OR4K17: variants seen among roughly 807,000 people sequenced by gnomAD.
OR4K17 encodes olfactory receptor 4K17.
For synonymous variants in OR4K17, 157 were observed against 132.8 expected (o/e 1.18, Z -1.25); for missense variants, 480 against 366.3 (o/e 1.31, Z -2.53).
chr14:20,117,789 G>A lies in OR4K17; in HGVS notation c.290G>A (p.Cys97Tyr), dbSNP rs1156458445. The A allele has an allele frequency of 1.2e-6, 2 of 1,613,966 alleles. No individual in the cohort carries two copies. Among genetic ancestry groups the A allele is most frequent in the Non-Finnish European group, 8.5e-7 (1 of 1,180,012 alleles). Residue 97 changes from cysteine (C) to tyrosine (Y), a missense_variant, in exon 2 of 2, where the codon TGC becomes TAC. Cys to Tyr is a radical substitution (Grantham distance 194). Transcript: ENST00000641386. Reference protein sequence around the residue: ...KKQKVISFAGCFTQIFLLHLL... With the variant: ...KKQKVISFAGYFTQIFLLHLL... ...CAGAAGGTAATTTCTTTTGCTGGGTGCTTCACTCAGATATTTCTCCTTCAC... is the reference window on the plus strand; with the variant it reads ...CAGAAGGTAATTTCTTTTGCTGGGTACTTCACTCAGATATTTCTCCTTCAC...
chr14:20,118,122 T>A lies in OR4K17; in HGVS notation c.623T>A (p.Leu208Gln), dbSNP rs1878058061. The A allele has an allele frequency of 6.2e-7, 1 of 1,614,102 alleles. No homozygotes were observed. Among genetic ancestry groups the A allele is most frequent in the Non-Finnish European group, 8.5e-7 (1 of 1,179,944 alleles). ...GTTGCCAACAGTGGCATAATCTCCCTGAGCTGTTTCATTATTTTGCTTATC... is the reference window on the plus strand; with the variant it reads ...GTTGCCAACAGTGGCATAATCTCCCAGAGCTGTTTCATTATTTTGCTTATC... ...VIVANSGIIS[L>Q]SCFIILLISY... The change falls in exon 2 of 2, where the codon CTG (leucine) becomes CAG (glutamine). Residue 208 changes from leucine (L) to glutamine (Q), a missense_variant. Leu to Gln is a moderately radical substitution (Grantham distance 113). Coordinates refer to ENST00000641386, the MANE Select transcript of OR4K17 (RefSeq NM_001004715.5).
In OR4K17 at chr14:20,118,711, G is replaced by T; in HGVS notation, c.*273G>T. ...AAGTTTTTATTATGGATTTCAAAAGGGAGGCAGTGTACGAATAGGGTGTGG... is the reference window on the plus strand; with the variant it reads ...AAGTTTTTATTATGGATTTCAAAAGTGAGGCAGTGTACGAATAGGGTGTGG... On this transcript the variant is annotated 3_prime_UTR_variant, in exon 2 of 2. Transcript: ENST00000641386. The T allele has an allele frequency of 3.6e-6, 1 of 278,408 alleles. No individual in the cohort carries two copies. The allele number at this position is 278,408 out of a possible 1,614,324, so 17.2% of individuals were successfully genotyped here. A position where few individuals can be genotyped will look rare whatever the true frequency, so the allele number is the denominator to read the frequency against.
chr14:20,115,554 G>T (rs1877971016), intron 1 of OR4K17, among the ~76,000 whole-genome samples: 1 of 151,860 alleles, frequency 6.6e-6, no homozygotes, highest in Admixed American at 6.6e-5. Context: ...AGAACATTTG[G>T]AATGTTTCAA....
At chr14:20,114,402 T>C (rs1039760334) in intron 1 of OR4K17, among the ~76,000 whole-genome samples, 2 of 152,080 alleles carry the variant, frequency 1.3e-5, no homozygotes, top group African/African-American at 4.8e-5. Flanking sequence ...TTAATTTTTG[T>C]AGAGGTTGTG....
rs762150658 is a variant in OR4K17, at chr14:20,117,414, T to A, written c.-32-54T>A. ...ATAAGTTTGGTTTTTCATATGGCTC[T>A]TTATTTTTCACTCATACTCCATGGT... On this transcript the variant is annotated intron_variant, in intron 1 of 1. Coordinates refer to ENST00000641386, the MANE Select transcript of OR4K17 (RefSeq NM_001004715.5). 7 of 1,580,674 alleles carry A rather than the reference T, an allele frequency of 4.4e-6. No individual in the cohort carries two copies. In the Admixed American group the frequency reaches 1.2e-4, roughly 27 times the overall value.
chr14:20,112,685 T>A (rs538601475), intron 1 of OR4K17, among the ~76,000 whole-genome samples: 1 of 152,036 alleles, frequency 6.6e-6, no homozygotes, highest in Non-Finnish European at 1.5e-5. Context: ...CTGATATACA[T>A]GTTTTCCTCA....
chr14:20,117,285 T>C, intron 1 of OR4K17, 183 bp from the exon 2 acceptor site: 1 of 672,714 alleles, frequency 1.5e-6, no homozygotes. Flanking sequence ...GTCATTGCTC[T>C]TTTATGGAAG....
chr14:20,116,623 A>C (rs78298135), intron 1 of OR4K17, among the ~76,000 whole-genome samples: 1,731 of 152,286 alleles, frequency 0.011, 40 homozygotes, highest in African/African-American at 0.039. Context: ...AGCAAGAATC[A>C]AGACATTAGA....
chr14:20,117,639 T>A lies in OR4K17; in HGVS notation c.140T>A (p.Val47Asp). 6.2e-7 allele frequency: 1 copy of A among 1,613,978 alleles called. No homozygotes were observed. The highest frequency in any genetic ancestry group is 8.5e-7 in the Non-Finnish European group (1 of 1,179,896). The change falls in exon 2 of 2, where the codon GTC (valine) becomes GAC (aspartate). Residue 47 changes from valine (V) to aspartate (D), a missense_variant. Val to Asp is a radical substitution (Grantham distance 152). Transcript: ENST00000641386. ...GTTTTGGGTAACCTTCTTATTATAG[T>A]CACAGTGTTTAACACCCCTAACCTG... ...VTVLGNLLIIVTVFNTPNLNT... is the reference protein window; with the variant it reads ...VTVLGNLLIIDTVFNTPNLNT...
chr14:20,117,841 G>C lies in OR4K17; in HGVS notation c.342G>C (p.Leu114=), dbSNP rs998803017. The C allele has an allele frequency of 1.2e-6, 2 of 1,614,050 alleles. No individual in the cohort carries two copies. Among genetic ancestry groups the C allele is most frequent in the Non-Finnish European group, 1.7e-6 (2 of 1,180,004 alleles). The change falls in exon 2 of 2, where the codon CTG becomes CTC. Residue 114 remains leucine (L), a synonymous_variant. Transcript: ENST00000641386. Reference sequence around the variant, plus strand: ...TACTGGGTGGGGTTGAAATGGTACTGTTGGTCTCCATGGCTTTTGACAGAT... The same window carrying C: ...TACTGGGTGGGGTTGAAATGGTACTCTTGGTCTCCATGGCTTTTGACAGAT... ...LHLLGGVEMV[L]LVSMAFDRYV... is the part of the protein sequence containing the mutation.
Position 20,122,066 on chromosome 14 carries a change from G to T in OR4K17, c.*3628G>T, listed in dbSNP as rs1319369584. ...ATTTTGATAATCACAGGGAGGTCTTGGAGTCTGTTGCCTAAAGTCACTGAG... is the reference window on the plus strand; with the variant it reads ...ATTTTGATAATCACAGGGAGGTCTTTGAGTCTGTTGCCTAAAGTCACTGAG... On this transcript the variant is annotated 3_prime_UTR_variant, in exon 2 of 2. Coordinates refer to ENST00000641386, the MANE Select transcript of OR4K17 (RefSeq NM_001004715.5). 6.6e-6 allele frequency: 1 copy of T among 151,998 alleles called. No homozygotes were observed. Among genetic ancestry groups the T allele is most frequent in the Admixed American group, 6.6e-5 (1 of 15,236 alleles). 9.4% of individuals were successfully genotyped at this position (151,998 alleles called of 1,614,324 possible).
chr14:20,115,843 A>T (rs895884802), intron 1 of OR4K17, among the ~76,000 whole-genome samples: 8 of 152,212 alleles, frequency 5.3e-5, no homozygotes, highest in African/African-American at 1.9e-4. Context: ...CACAATTTTT[A>T]AAAACTTACT....
At chr14:20,112,531 T>G (rs1176124911) in intron 1 of OR4K17, among the ~76,000 whole-genome samples, 1 of 152,076 alleles carries the variant, frequency 6.6e-6, no homozygotes, top group East Asian at 1.9e-4. Flanking sequence ...ATGATAGGTT[T>G]GGAAACCAGG....
In OR4K17 at chr14:20,117,654, C is replaced by G; in HGVS notation, c.155C>G (p.Thr52Ser). The change falls in exon 2 of 2, where the codon ACC becomes AGC. Residue 52 changes from threonine to serine, a missense_variant. Physicochemically the swap from Thr to Ser is moderately conservative, Grantham distance 58 (BLOSUM62 1). Coordinates refer to ENST00000641386, the MANE Select transcript of OR4K17 (RefSeq NM_001004715.5). ...CTTATTATAGTCACAGTGTTTAACA[C>G]CCCTAACCTGAATACTCCCATGTAT... is the stretch of plus-strand genomic sequence containing the variant. ...NLLIIVTVFN[T>S]PNLNTPMYFL... The G allele has an allele frequency of 1.2e-6, 2 of 1,613,894 alleles. No individual in the cohort carries two copies. The highest frequency in any genetic ancestry group is 1.7e-6 in the Non-Finnish European group (2 of 1,179,886).
chr14:20,114,675 C>T (rs1018259452), intron 1 of OR4K17, among the ~76,000 whole-genome samples: 1 of 151,916 alleles, frequency 6.6e-6, no homozygotes, highest in Non-Finnish European at 1.5e-5. Context: ...CTTGATTTCA[C>T]ACTGATTTGG....
At chr14:20,113,532 T>C (rs1342989458) in intron 1 of OR4K17, among the ~76,000 whole-genome samples, 1 of 152,062 alleles carries the variant, frequency 6.6e-6, no homozygotes, top group Non-Finnish European at 1.5e-5. Context: ...CTATGTGCTT[T>C]TTACACACTA....
In OR4K17 at chr14:20,121,657, A is replaced by G. The variant is rs191011770; in HGVS notation, c.*3219A>G. ...AACAAAAAAAATAAAAAATCAAAGC[A>G]TATGCTGGAGAAAATAAACTATGAA... On this transcript the variant is annotated 3_prime_UTR_variant, in exon 2 of 2. Transcript: ENST00000641386. The G allele has an allele frequency of 1.3e-5, 2 of 152,190 alleles. No individual in the cohort carries two copies. Among genetic ancestry groups the G allele is most frequent in the Admixed American group, 6.5e-5 (1 of 15,274 alleles). The allele number at this position is 152,190 out of a possible 1,614,324, so 9.4% of individuals were successfully genotyped here. A position where few individuals can be genotyped will look rare whatever the true frequency, so the allele number is the denominator to read the frequency against.
rs1324861423 is a variant in OR4K17, at chr14:20,120,684, T to G, written c.*2246T>G. The G allele has an allele frequency of 1.3e-5, 2 of 152,330 alleles. No individual in the cohort carries two copies. Among genetic ancestry groups the G allele is most frequent in the African/African-American group, 4.8e-5 (2 of 41,452 alleles). 9.4% of individuals were successfully genotyped at this position (152,330 alleles called of 1,614,324 possible). On this transcript the variant is annotated 3_prime_UTR_variant, in exon 2 of 2. Transcript: ENST00000641386. The stretch of plus-strand genomic sequence containing the variant: ...TGGAATTCCTGGGCCCAGATACTGC[T>G]GCCATTACTATCCCAAACCACAGAT...
Position 20,120,734 on chromosome 14 carries a change from C to T in OR4K17, c.*2296C>T, listed in dbSNP as rs1888370. ...TCTATAGTACCTCCATTCATACCTG[C>T]GCTTATGGCTCCAGATCCATGGCTT... On this transcript the variant is annotated 3_prime_UTR_variant, in exon 2 of 2. Coordinates refer to ENST00000641386, the MANE Select transcript of OR4K17 (RefSeq NM_001004715.5). The T allele has an allele frequency of 0.26, 39,733 of 152,204 alleles. 5,425 individuals are homozygous for T. Among genetic ancestry groups the T allele is most frequent in the African/African-American group, 0.3 (12,397 of 41,490 alleles). 9.4% of individuals were successfully genotyped at this position (152,204 alleles called of 1,614,324 possible).
Sources: gnomAD v4.1 joint callset for allele counts (sites outside exome capture counted in the v4.1 genomes callset) on GRCh38, gnomAD v4.1.1 for gene constraint, MANE v1.5 for transcripts, NCBI Gene and HGNC (gene_info 2026-07-23, HGNC 2026-07-21) for gene names.